Variants in CD2AP observed in about 807,000 individuals in gnomAD.
CD2AP encodes the protein CD2-associated protein.
A neutral mutation model predicts 85.1 loss-of-function variants in CD2AP; 46 were observed. The ratio of observed to expected loss-of-function variants is 0.54; its 90% CI spans 0.43 to 0.69. CD2AP has a LOEUF of 0.69. Among genes scored for constraint, CD2AP ranks in the 30% least tolerant of loss-of-function variants. The probability of loss-of-function intolerance (pLI) is 0.00; values close to 1 mark genes in which losing one functional copy is unlikely to be tolerated. For missense variants in CD2AP, 769 were observed against 729.5 expected, an observed-to-expected ratio of 1.05 and a Z score of -0.62; for synonymous variants, 255 against 252.9, an observed-to-expected ratio of 1.01 and a Z score of -0.08.
intron 15 of CD2AP, 32 bp downstream of exon 15, chr6:47,608,060 C>CT: frequency 6.9e-7 from 1 of 1,441,198 alleles, no homozygotes; most frequent in Non-Finnish European, 9.8e-7. Flanking sequence ...GGTTTGTTGA[C>CT]TTTCTGGGAT....
At chr6:47,525,482 T>C (rs577476928) in intron 2 of CD2AP, among the ~76,000 whole-genome samples, 40 of 152,170 alleles carry the variant, frequency 2.6e-4, no homozygotes, top group Non-Finnish European at 5.6e-4. Flanking sequence ...TATTATTCTT[T>C]GCGACCTTTG....
rs771223661 is a variant in CD2AP, at chr6:47,607,955, A to C, written c.1559A>C (p.Lys520Thr). The C allele has an allele frequency of 1.2e-6, 2 of 1,612,704 alleles. No homozygotes were observed. Among genetic ancestry groups the C allele is most frequent in the East Asian group, 4.5e-5 (2 of 44,824 alleles). The change falls in exon 15 of 18, where the codon AAG becomes ACG. Residue 520 changes from lysine (K) to threonine (T), a missense_variant. Coordinates refer to ENST00000359314, the MANE Select transcript of CD2AP (RefSeq NM_012120.3). The stretch of plus-strand genomic sequence containing the variant: ...ACTCACAGCCCCGAAAAAATCTTGA[A>C]GTTACCAAAAGAAGAAGACAGTGCC... ...SPTHSPEKIL[K>T]LPKEEDSANL...
Position 47,503,365 on chromosome 6 carries a change from A to G in CD2AP, c.90A>G (p.Lys30=). The G allele has an allele frequency of 1.2e-6, 2 of 1,613,916 alleles. No individual in the cohort carries two copies. The highest frequency in any genetic ancestry group is 2.2e-5 in the South Asian group (2 of 91,080). Residue 30 remains lysine, a synonymous_variant, in exon 2 of 18, where the codon AAA becomes AAG. Transcript: ENST00000359314. Reference sequence around the variant, plus strand: ...TTGGAGAAATCATCAGGAATGTGAAAAAGCTACAGGAGGAAGGGTGGCTGG... The same window carrying G: ...TTGGAGAAATCATCAGGAATGTGAAGAAGCTACAGGAGGAAGGGTGGCTGG... ...IRVGEIIRNV[K]KLQEEGWLEG... is the part of the protein sequence containing the mutation.
intron 4 of CD2AP, among the ~76,000 whole-genome samples, chr6:47,551,019 T>C (rs1160211038): frequency 6.6e-6 from 1 of 152,062 alleles, no homozygotes; most frequent in Non-Finnish European, 1.5e-5. Flanking sequence ...CAATGGACTT[T>C]GGGGCCTCGG....
intron 5 of CD2AP, among the ~76,000 whole-genome samples, chr6:47,560,913 A>T (rs1480385426): frequency 6.6e-6 from 1 of 152,134 alleles, no homozygotes; most frequent in Non-Finnish European, 1.5e-5. Context: ...TGATTTTCTA[A>T]TACCATCATC....
chr6:47,494,965 G>A (rs1345534269), intron 1 of CD2AP, among the ~76,000 whole-genome samples: 1 of 152,116 alleles, frequency 6.6e-6, no homozygotes, highest in African/African-American at 2.4e-5. Flanking sequence ...TTCGAGACAA[G>A]TCTGGGCAGT....
intron 17 of CD2AP, among the ~76,000 whole-genome samples, chr6:47,615,824 T>TATTTATTA (rs1769568377): frequency 1.3e-5 from 2 of 150,164 alleles, no homozygotes; most frequent in Non-Finnish European, 1.5e-5. Flanking sequence ...TTTATTTATT[T>TATTTATTA]ATTTATTAGC....
chr6:47,572,053 G>C (rs1768171919), intron 5 of CD2AP, among the ~76,000 whole-genome samples: 1 of 152,134 alleles, frequency 6.6e-6, no homozygotes, highest in African/African-American at 2.4e-5. Context: ...CCTGATTTCT[G>C]CTAACTAGAT....
At chr6:47,582,235 T>A in intron 11 of CD2AP, 170 bp downstream of exon 11, 1 of 580,240 alleles carries the variant, frequency 1.7e-6, no homozygotes. Context: ...CTCAAACAGA[T>A]AACAATTTAC....
chr6:47,581,415 A>AT (rs1377011001), intron 10 of CD2AP, among the ~76,000 whole-genome samples: 1 of 152,204 alleles, frequency 6.6e-6, no homozygotes, highest in Non-Finnish European at 1.5e-5. Flanking sequence ...TACAAGTGTA[A>AT]TAAAAATTTC....
At chr6:47,486,599 C>G (rs1363417462) in intron 1 of CD2AP, among the ~76,000 whole-genome samples, 1 of 152,108 alleles carries the variant, frequency 6.6e-6, no homozygotes, top group Non-Finnish European at 1.5e-5. Context: ...ATTTTTTCCT[C>G]CACTTCTGGC....
chr6:47,621,733 C>T (rs1769750741), intron 17 of CD2AP, among the ~76,000 whole-genome samples: 1 of 151,976 alleles, frequency 6.6e-6, no homozygotes. Context: ...TTCTTATTGG[C>T]CTGTTCAGGA....
intron 2 of CD2AP, among the ~76,000 whole-genome samples, chr6:47,533,168 C>T (rs1474605193): frequency 6.6e-6 from 1 of 152,206 alleles, no homozygotes; most frequent in Non-Finnish European, 1.5e-5. Context: ...TATATTCATT[C>T]ATTTAAATAT....
Position 47,574,147 on chromosome 6 carries a change from A to G in CD2AP, c.625A>G (p.Lys209Glu). The change falls in exon 6 of 18, where the codon AAG becomes GAG. Residue 209 changes from lysine (K) to glutamate (E), a missense_variant. Physicochemically the swap from Lys to Glu is moderately conservative, Grantham distance 56. Transcript: ENST00000359314. ...ETASGSVTQP[K>E]KIRGIGFGDI... is the part of the protein sequence containing the mutation. The stretch of plus-strand genomic sequence containing the variant: ...TGCATCTGGATCAGTTACACAGCCA[A>G]AGAAAATTCGAGGAATTGGATTTGG... 6.2e-7 allele frequency: 1 copy of G among 1,614,102 alleles called. No homozygotes were observed. Among genetic ancestry groups the G allele is most frequent in the South Asian group, 1.1e-5 (1 of 91,082 alleles).
At chr6:47,606,359 C>A (rs1430845302) in intron 14 of CD2AP, 82 bp downstream of exon 14, 5 of 842,320 alleles carry the variant, frequency 5.9e-6, no homozygotes, top group Middle Eastern at 2.2e-4. Context: ...TATAGCTCTA[C>A]CTAAGTTTGA....
chr6:47,620,332 T>C (rs998194008), intron 17 of CD2AP, among the ~76,000 whole-genome samples: 11 of 152,188 alleles, frequency 7.2e-5, no homozygotes, highest in Admixed American at 2.0e-4. Flanking sequence ...TTTATGTTTT[T>C]GTTTGCTTTG....
In CD2AP at chr6:47,599,314, G is replaced by T. The variant is rs764233188; in HGVS notation, c.1288G>T (p.Val430Phe). The stretch of plus-strand genomic sequence containing the variant: ...TTCTTATTTCAGGATTAATGGGGAA[G>T]TTTCTAGCATTTCATCAAAATTTGA... ...PPPIAKINGE[V>F]SSISSKFETE... Residue 430 changes from valine (V) to phenylalanine (F), a missense_variant, in exon 13 of 18, where the codon GTT becomes TTT. By Grantham distance (50) the Val-to-Phe change is conservative. Transcript: ENST00000359314. The T allele has an allele frequency of 4.2e-5, 67 of 1,611,998 alleles. No individual in the cohort carries two copies. Among genetic ancestry groups the T allele is most frequent in the Non-Finnish European group, 5.7e-5 (67 of 1,178,818 alleles).
rs74902594 is a variant in CD2AP, at chr6:47,485,967, C to T, written c.4+7719C>T. ...GATGTTCACACATGGACCAAATTGC[C>T]TAATGACACATTTCCTAAGATGCAT... On this transcript the variant is annotated intron_variant, in intron 1 of 17. Transcript: ENST00000359314. Among the ~76,000 whole-genome samples the T allele has an allele frequency of 7.9e-3, 1,196 of 152,244 alleles. 13 individuals are homozygous for T. The highest frequency in any genetic ancestry group is 0.027 in the African/African-American group (1,116 of 41,522).
chr6:47,600,469 C>T lies in CD2AP; in HGVS notation c.1417+1026C>T, dbSNP rs182498414. Among the ~76,000 whole-genome samples the T allele has an allele frequency of 9.9e-4, 151 of 151,936 alleles. 4 individuals are homozygous for T. Among genetic ancestry groups the T allele is most frequent in the Admixed American group, 9.5e-3 (145 of 15,240 alleles). The stretch of plus-strand genomic sequence containing the variant: ...CCTTATTCTTCCCTCTTTCAGTTTG[C>T]GAATGCAAAGTTTCTGACTTAAAGT... On this transcript the variant is annotated intron_variant, in intron 13 of 17. Transcript: ENST00000359314.
Sources: gnomAD v4.1 joint callset for allele counts (sites outside exome capture counted in the v4.1 genomes callset) on GRCh38, gnomAD v4.1.1 for gene constraint, MANE v1.5 for transcripts, NCBI Gene and HGNC (gene_info 2026-07-23, HGNC 2026-07-21) for gene names.